Variants in TTC31 observed in about 807,000 individuals in gnomAD.
TTC31 encodes tetratricopeptide repeat protein 31.
Under a neutral mutation model 60.4 loss-of-function variants are expected in TTC31, and 59 were observed. The observed-to-expected ratio is 0.98, with a 90% CI of 0.79 to 1.21. TTC31 has a LOEUF of 1.21. TTC31 is among the 50% of genes most tolerant of loss of function. TTC31 has a pLI of 0.00. For missense variants in TTC31, 672 were observed against 646.9 expected, an observed-to-expected ratio of 1.04 and a Z score of -0.42; for synonymous variants, 225 against 249.6, an observed-to-expected ratio of 0.90 and a Z score of 0.93.
chr2:74,491,607 A>T lies in TTC31; in HGVS notation c.811A>T (p.Lys271Ter). ...CCAAGGCAGGGGTCTGGCCCTCCAGAAGATGGGTCAAGAGGAAGAGAGCCC... is the reference window on the plus strand; with the variant it reads ...CCAAGGCAGGGGTCTGGCCCTCCAGTAGATGGGTCAAGAGGAAGAGAGCCC... ...EPQGRGLALQKMGQEEESPPR... is the reference protein window; with the variant it reads ...EPQGRGLALQ The change falls in exon 8 of 13, where the codon AAG becomes TAG. Residue 271 changes from lysine (K) to a stop codon, truncating the protein, a stop_gained. Coordinates refer to ENST00000233623, the MANE Select transcript of TTC31 (RefSeq NM_022492.6). LOFTEE classifies it high-confidence loss of function. 1 of 1,614,228 alleles carries T rather than the reference A, an allele frequency of 6.2e-7. No homozygotes were observed. The highest frequency in any genetic ancestry group is 8.5e-7 in the Non-Finnish European group (1 of 1,180,032).
intron 5 of TTC31, 80 bp from the exon 6 acceptor site, chr2:74,491,048 G>C: frequency 6.4e-7 from 1 of 1,573,900 alleles, no homozygotes; most frequent in Non-Finnish European, 8.7e-7. Context: ...GAGCTGCAAA[G>C]ATGGAATGCG....
At position 74,490,874 on chromosome 2, in the gene TTC31, C is replaced by T. The variant is rs1349576857; in HGVS notation, c.546+135C>T. ...TCTTGCCAGGAGGACACAAGGGGCCCAGGGACTGGGGGGTCTCTCACAGGC... is the reference window on the plus strand; with the variant it reads ...TCTTGCCAGGAGGACACAAGGGGCCTAGGGACTGGGGGGTCTCTCACAGGC... On this transcript the variant is annotated intron_variant, in intron 5 of 12. Coordinates refer to ENST00000233623, the MANE Select transcript of TTC31 (RefSeq NM_022492.6). 20 of 1,005,036 alleles carry T rather than the reference C, an allele frequency of 2.0e-5. No individual in the cohort carries two copies. In the East Asian group the frequency reaches 5.2e-4, roughly 26 times the overall value. 62.3% of individuals were successfully genotyped at this position (1,005,036 alleles called of 1,614,324 possible). A position where few individuals can be genotyped will look rare whatever the true frequency, so the allele number is the denominator to read the frequency against.
rs1357224412 is a variant in TTC31, at chr2:74,490,253, T to G, written c.242T>G (p.Leu81Arg). ...RLQLWHHDYL[L>R]GHLDDEGKST... ...TTCTCCCTCCTGACAGATTACCTCC[T>G]GGGCCACTTGGATGATGAAGGGAAA... The change falls in exon 4 of 13, where the codon CTG becomes CGG. Residue 81 changes from leucine (L) to arginine (R), a missense_variant. Leu to Arg is a moderately radical substitution (Grantham distance 102). Transcript: ENST00000233623. 1 of 1,613,890 alleles carries G rather than the reference T, an allele frequency of 6.2e-7. No homozygotes were observed. The highest frequency in any genetic ancestry group is 2.2e-5 in the East Asian group (1 of 44,872).
At chr2:74,488,716 C>T (rs2104193228) in intron 2 of TTC31, among the ~76,000 whole-genome samples, 1 of 152,132 alleles carries the variant, frequency 6.6e-6, no homozygotes, top group African/African-American at 2.4e-5. Flanking sequence ...TCGCTTGAGC[C>T]TAGGTGTTTG....
In TTC31 at chr2:74,492,906, C is replaced by T. The variant is rs1674100725; in HGVS notation, c.1264-16C>T. The T allele has an allele frequency of 6.3e-7, 1 of 1,591,578 alleles. No individual in the cohort carries two copies. Among genetic ancestry groups the T allele is most frequent in the Non-Finnish European group, 8.6e-7 (1 of 1,164,612 alleles). On this transcript the variant is annotated splice_polypyrimidine_tract_variant and intron_variant, in intron 12 of 12. Coordinates refer to ENST00000233623, the MANE Select transcript of TTC31 (RefSeq NM_022492.6). ...CTTAAAAGAAGGATCTGGTGCCCTT[C>T]TCTCTCCCTTCTCAGCAGGGTCAGC...
intron 2 of TTC31, among the ~76,000 whole-genome samples, chr2:74,486,626 C>T (rs769380450): frequency 3.1e-4 from 47 of 152,234 alleles, no homozygotes; most frequent in Middle Eastern, 3.4e-3. Flanking sequence ...AGTGTGGTGG[C>T]TCACGCCTGT....
intron 2 of TTC31, among the ~76,000 whole-genome samples, chr2:74,486,042 C>T (rs563008463): frequency 4.0e-5 from 6 of 151,802 alleles, no homozygotes; most frequent in South Asian, 2.1e-4. Context: ...TTGATGCAGG[C>T]GGATCATGAG....
chr2:74,490,730 CAAG>C lies in TTC31; in HGVS notation c.544_546del (p.Lys182del), dbSNP rs948454672. On this transcript the variant is annotated inframe_deletion, in exon 5 of 13. Transcript: ENST00000233623. ...AACAGAAAGCAGAGAAAAAGCGACTCAAGAAGAAGGTGGCTAGAGCATGGCTGG... is the reference window on the plus strand; with the variant it reads ...AACAGAAAGCAGAGAAAAAGCGACTCAAGAAGGTGGCTAGAGCATGGCTGG... The C allele has an allele frequency of 1.2e-6, 2 of 1,612,862 alleles. No homozygotes were observed. The highest frequency in any genetic ancestry group is 1.7e-6 in the Non-Finnish European group (2 of 1,179,508).
Position 74,491,677 on chromosome 2 carries a change from G to A in TTC31, c.876+5G>A. 6.2e-7 allele frequency: 1 copy of A among 1,613,770 alleles called. No individual in the cohort carries two copies. Among genetic ancestry groups the A allele is most frequent in the Non-Finnish European group, 8.5e-7 (1 of 1,179,812 alleles). On this transcript the variant is annotated splice_donor_5th_base_variant and intron_variant, in intron 8 of 12. Coordinates refer to ENST00000233623, the MANE Select transcript of TTC31 (RefSeq NM_022492.6). Reference sequence around the variant, plus strand: ...CAGCAGAGTCCAAAGGTACAGGTGAGGTGGCTGAAGAACCTTATTCAGCTG... The same window carrying A: ...CAGCAGAGTCCAAAGGTACAGGTGAAGTGGCTGAAGAACCTTATTCAGCTG...
In TTC31 at chr2:74,494,077, G is replaced by C. The variant is rs551158391; in HGVS notation, c.*859G>C. The C allele has an allele frequency of 6.6e-6, 1 of 152,140 alleles. No homozygotes were observed. The highest frequency in any genetic ancestry group is 1.9e-4 in the East Asian group (1 of 5,206). 9.4% of individuals were successfully genotyped at this position (152,140 alleles called of 1,614,324 possible). A position where few individuals can be genotyped will look rare whatever the true frequency, so the allele number is the denominator to read the frequency against. ...AAGCATGATCTCCTTTTAATTTCAC[G>C]TCTAAGATCCTGGCAGCTTCCCCTA... On this transcript the variant is annotated 3_prime_UTR_variant, in exon 13 of 13. Transcript: ENST00000233623.
In TTC31 at chr2:74,490,009, T is replaced by TCCCCCCCCC; in HGVS notation, c.130-12_130-11insCCCCCCCCC. 1.5e-6 allele frequency: 1 copy of TCCCCCCCCC among 685,410 alleles called. No homozygotes were observed. The highest frequency in any genetic ancestry group is 1.5e-5 in the South Asian group (1 of 66,636). 42.5% of individuals were successfully genotyped at this position (685,410 alleles called of 1,614,324 possible). On this transcript the variant is annotated splice_polypyrimidine_tract_variant and intron_variant, in intron 2 of 12. Transcript: ENST00000233623. ...CCCCCAACACCAGCCTCCCCTCCCC[T>TCCCCCCCCC]CCCCTCCCCTCCCAGGACATAGTGG... is the stretch of plus-strand genomic sequence containing the variant.
chr2:74,491,403 T>G, intron 7 of TTC31, 28 bp downstream of exon 7: 1 of 1,614,152 alleles, frequency 6.2e-7, no homozygotes, highest in South Asian at 1.1e-5. Flanking sequence ...CCCTTCTTGG[T>G]CTCTGCTCAT....
intron 10 of TTC31, 31 bp from the exon 11 acceptor site, chr2:74,492,273 C>T: frequency 6.2e-7 from 1 of 1,610,590 alleles, no homozygotes; most frequent in South Asian, 1.1e-5. Flanking sequence ...GTTGAGGACT[C>T]AGACCTTTGG....
Position 74,490,043 on chromosome 2 carries a change from C to G in TTC31, c.148C>G (p.Arg50Gly), listed in dbSNP as rs1402391095. Residue 50 changes from arginine (R) to glycine (G), a missense_variant, in exon 3 of 13, where the codon CGA (arginine) becomes GGA (glycine). Transcript: ENST00000233623. ...YGEEDIVDFLRRLVESDPQGL... is the reference protein window; with the variant it reads ...YGEEDIVDFLGRLVESDPQGL... ...CTCCCAGGACATAGTGGATTTTCTT[C>G]GACGGCTTGTGGAGAGTGATCCCCA... The G allele has an allele frequency of 2.1e-6, 3 of 1,436,586 alleles. No individual in the cohort carries two copies. The highest frequency in any genetic ancestry group is 2.4e-5 in the South Asian group (2 of 83,660). The allele number at this position is 1,436,586 out of a possible 1,614,324, so 89.0% of individuals were successfully genotyped here.
At chr2:74,488,123 C>A (rs1054031086) in intron 2 of TTC31, among the ~76,000 whole-genome samples, 1 of 152,084 alleles carries the variant, frequency 6.6e-6, no homozygotes, top group African/African-American at 2.4e-5. Flanking sequence ...TATAGGCGTC[C>A]GCACCACACC....
At chr2:74,488,006 C>T (rs907650968) in intron 2 of TTC31, among the ~76,000 whole-genome samples, 7 of 152,070 alleles carry the variant, frequency 4.6e-5, no homozygotes, top group African/African-American at 1.7e-4. Context: ...ACAGGGTCTC[C>T]CTCTGTTACC....
intron 8 of TTC31, 123 bp from the exon 9 acceptor site, chr2:74,491,881 G>A (rs997284415): frequency 6.1e-5 from 93 of 1,515,518 alleles, no homozygotes; most frequent in Non-Finnish European, 8.3e-5. Flanking sequence ...CATCTTGTAG[G>A]GCTGTCATGA....
chr2:74,484,256 A>G (rs1380167564), intron 2 of TTC31, among the ~76,000 whole-genome samples: 2 of 151,988 alleles, frequency 1.3e-5, no homozygotes, highest in African/African-American at 4.8e-5. Context: ...ATGAAAAAAT[A>G]TCTTTTTATA....
At chr2:74,486,223 G>A (rs1269454757) in intron 2 of TTC31, among the ~76,000 whole-genome samples, 5 of 151,584 alleles carry the variant, frequency 3.3e-5, no homozygotes, top group Admixed American at 1.3e-4. Context: ...CCAAGGTTGC[G>A]CCATTGCATT....
Sources: gnomAD v4.1 joint callset for allele counts (sites outside exome capture counted in the v4.1 genomes callset) on GRCh38, gnomAD v4.1.1 for gene constraint, MANE v1.5 for transcripts, NCBI Gene and HGNC (gene_info 2026-07-23, HGNC 2026-07-21) for gene names.